The following CACNA1G variants were observed in gnomAD, a reference collection of about 807,000 sequenced individuals.
CACNA1G encodes calcium voltage-gated channel subunit alpha1 G.
CACNA1G carries 67 observed loss-of-function variants against 219.4 expected under a neutral mutation model. The observed-to-expected ratio is 0.31, with a 90% CI of 0.25 to 0.37. CACNA1G has a LOEUF of 0.37. Ranked by LOEUF, CACNA1G falls within the 10% of genes least tolerant of loss-of-function variation. The probability of loss-of-function intolerance (pLI) is 1.00; values close to 1 mark genes in which losing one functional copy is unlikely to be tolerated. For missense variants in CACNA1G, 2,380 were observed against 3,231.4 expected, an observed-to-expected ratio of 0.74 and a Z score of 6.39; for synonymous variants, 1,296 against 1,345.3, an observed-to-expected ratio of 0.96 and a Z score of 0.80.
rs1390902765 is a variant in CACNA1G, at chr17:50,575,683, T to C, written c.1281T>C (p.Ser427=). Residue 427 remains serine (S), a synonymous_variant, in exon 8 of 38, where the codon TCT becomes TCC. Coordinates refer to ENST00000359106, the MANE Select transcript of CACNA1G (RefSeq NM_018896.5). ...ACGCCAGCACCCTGGCTAGCTTCTC[T>C]GAGCCCGGCAGCTGCTATGAGGAGC... ...LSNASTLASF[S]EPGSCYEELL... is the part of the protein sequence containing the mutation. 1 of 1,611,458 alleles carries C rather than the reference T, an allele frequency of 6.2e-7. No individual in the cohort carries two copies. Among genetic ancestry groups the C allele is most frequent in the Non-Finnish European group, 8.5e-7 (1 of 1,178,966 alleles).
In CACNA1G at chr17:50,560,911, G is replaced by C. The variant is rs562233946; in HGVS notation, c.-549G>C. ...CTCCCGGACAGTGAGCCCGCGGCGG[G>C]GCGGGGGAAGGAGCCGCCCCCACCC... On this transcript the variant is annotated 5_prime_UTR_variant, in exon 1 of 38. Transcript: ENST00000359106. Among the ~76,000 whole-genome samples, 85 of 151,860 alleles carry C rather than the reference G, an allele frequency of 5.6e-4. No individual in the cohort carries two copies. Among genetic ancestry groups the C allele is most frequent in the Middle Eastern group, 3.4e-3 (1 of 292 alleles).
At chr17:50,588,534 A>G (rs919571314) in intron 9 of CACNA1G, among the ~76,000 whole-genome samples, 9 of 152,158 alleles carry the variant, frequency 5.9e-5, no homozygotes, top group Non-Finnish European at 1.3e-4. Context: ...CCAGGGCTTT[A>G]TATGCATTGA....
At chr17:50,573,170 G>T (rs1348186058) in intron 7 of CACNA1G, 57 bp downstream of exon 7, 5 of 1,278,938 alleles carry the variant, frequency 3.9e-6, no homozygotes, top group Non-Finnish European at 5.6e-6. Flanking sequence ...ACCTGTGGGG[G>T]CAGTCCAGAG....
At position 50,603,071 on chromosome 17, in the gene CACNA1G, C is replaced by T. The variant is rs756405641; in HGVS notation, c.4041C>T (p.Asn1347=). The T allele has an allele frequency of 7.4e-6, 12 of 1,613,512 alleles. No homozygotes were observed. Among genetic ancestry groups the T allele is most frequent in the South Asian group, 1.1e-5 (1 of 91,082 alleles). ...AGGCGTACCTGCGGAGCAGTTGGAACGTGCTGGACGGGCTGTTGGTGCTCA... is the reference window on the plus strand; with the variant it reads ...AGGCGTACCTGCGGAGCAGTTGGAATGTGCTGGACGGGCTGTTGGTGCTCA... ...GEQAYLRSSW[N]VLDGLLVLIS... The change falls in exon 21 of 38, where the codon AAC becomes AAT. Residue 1347 remains asparagine, a synonymous_variant. Coordinates refer to ENST00000359106, the MANE Select transcript of CACNA1G (RefSeq NM_018896.5). This position sits in a 1 kb window ranked among gnomAD's most constrained non-coding sequence, Gnocchi z 6.4.
intron 33 of CACNA1G, among the ~76,000 whole-genome samples, 200 bp from the exon 34 acceptor site, chr17:50,619,483 C>T (rs2051267961): frequency 6.6e-6 from 1 of 152,064 alleles, no homozygotes; most frequent in East Asian, 1.9e-4. Flanking sequence ...TTCGCCTTCC[C>T]TCTTCCCCAC....
Position 50,626,681 on chromosome 17 carries a change from C to T in CACNA1G, c.7064C>T (p.Ser2355Leu), listed in dbSNP as rs1200267819. 12 of 1,613,206 alleles carry T rather than the reference C, an allele frequency of 7.4e-6. No individual in the cohort carries two copies. The highest frequency in any genetic ancestry group is 1.7e-4 in the Middle Eastern group (1 of 6,060). ...GGCCCCCCTGACAGCATGGCTGCCT[C>T]GCCCTCCCCAAAGAAAGATGTGCTG... is the stretch of plus-strand genomic sequence containing the variant. ...ASGPPDSMAASPSPKKDVLSL... is the reference protein window; with the variant it reads ...ASGPPDSMAALPSPKKDVLSL... Residue 2355 changes from serine to leucine, a missense_variant, in exon 38 of 38, where the codon TCG (serine) becomes TTG (leucine). Physicochemically the swap from Ser to Leu is moderately radical, Grantham distance 145. This residue lies in a region of CACNA1G where 672 missense variants were observed against 670.5 expected (regional missense o/e 1.00). Coordinates refer to ENST00000359106, the MANE Select transcript of CACNA1G (RefSeq NM_018896.5). This position sits in a 1 kb window ranked among gnomAD's most constrained non-coding sequence, Gnocchi z 4.3.
chr17:50,624,179 G>T (rs2053009574), intron 36 of CACNA1G, 104 bp downstream of exon 36: 5 of 1,433,414 alleles, frequency 3.5e-6, no homozygotes, highest in Middle Eastern at 4.5e-4. Context: ...AGCCAAAGAG[G>T]TATCTCTGAC....
chr17:50,596,642 G>C lies in CACNA1G; in HGVS notation c.3060G>C (p.Leu1020Phe), dbSNP rs770298223. The C allele has an allele frequency of 2.5e-6, 4 of 1,613,938 alleles. No individual in the cohort carries two copies. In the East Asian group the frequency reaches 6.7e-5, roughly 27 times the overall value. ...LDGDGDRKKC[L>F]ALVSLGEHPE... Reference sequence around the variant, plus strand: ...GTGATGGGGACAGGAAGAAGTGCTTGGCCTGTGAGTACCTATCCTGGGGTG... The same window carrying C: ...GTGATGGGGACAGGAAGAAGTGCTTCGCCTGTGAGTACCTATCCTGGGGTG... Residue 1020 changes from leucine (L) to phenylalanine (F), a missense_variant, in exon 15 of 38, where the codon TTG becomes TTC. Coordinates refer to ENST00000359106, the MANE Select transcript of CACNA1G (RefSeq NM_018896.5). This position sits in a 1 kb window ranked among gnomAD's most constrained non-coding sequence, Gnocchi z 4.8.
intron 35 of CACNA1G, among the ~76,000 whole-genome samples, chr17:50,622,261 C>T (rs1018636266): frequency 2.0e-5 from 3 of 151,578 alleles, no homozygotes; most frequent in Admixed American, 6.6e-5. Flanking sequence ...CTGCCATGCC[C>T]TTCTTCACTT....
At chr17:50,615,724 G>C (rs558230107) in intron 27 of CACNA1G, among the ~76,000 whole-genome samples, 2 of 152,388 alleles carry the variant, frequency 1.3e-5, no homozygotes, top group African/African-American at 4.8e-5. Context: ...TGTGGCCAAG[G>C]TCACACAGAA....
In CACNA1G at chr17:50,600,666, G is replaced by A; in HGVS notation, c.3691-60G>A. On this transcript the variant is annotated intron_variant, in intron 17 of 37. Transcript: ENST00000359106. The surrounding 1 kb of genome is among the most constrained non-coding windows in gnomAD (Gnocchi z 4.1). Reference sequence around the variant, plus strand: ...GTGAGGCTCGTGACTCTGCTGAGGAGCCAGGAGCCGGGGAACCTGGAGGCC... The same window carrying A: ...GTGAGGCTCGTGACTCTGCTGAGGAACCAGGAGCCGGGGAACCTGGAGGCC... 1.4e-6 allele frequency: 2 copies of A among 1,436,506 alleles called. No individual in the cohort carries two copies. The highest frequency in any genetic ancestry group is 2.0e-6 in the Non-Finnish European group (2 of 1,020,656). 89.0% of individuals were successfully genotyped at this position (1,436,506 alleles called of 1,614,324 possible).
intron 23 of CACNA1G, chr17:50,606,601 A>C (rs1194223728): frequency 1.8e-6 from 1 of 540,946 alleles, no homozygotes; most frequent in African/African-American, 1.9e-5. Context: ...TTGCTCGCTC[A>C]GTTTTGATTC....
chr17:50,593,939 C>T (rs910028581), intron 13 of CACNA1G, among the ~76,000 whole-genome samples: 1 of 152,204 alleles, frequency 6.6e-6, no homozygotes, highest in African/African-American at 2.4e-5. Context: ...AGGCACCTGC[C>T]CTCTCCTGGG....
rs1267825498 is a variant in CACNA1G, at chr17:50,617,579, C to T, written c.5155+8C>T. 1 of 1,613,424 alleles carries T rather than the reference C, an allele frequency of 6.2e-7. No individual in the cohort carries two copies. The highest frequency in any genetic ancestry group is 8.5e-7 in the Non-Finnish European group (1 of 1,179,594). On this transcript the variant is annotated splice_region_variant and intron_variant, in intron 29 of 37. Transcript: ENST00000359106. This position sits in a 1 kb window ranked among gnomAD's most constrained non-coding sequence, Gnocchi z 5.8. ...TGCTGCGCATTGCCCGAGGTTGGTG[C>T]CCAGCCCACGCACCTGCCCTCCTAG...
chr17:50,580,146 C>T (rs1222008165), intron 9 of CACNA1G, among the ~76,000 whole-genome samples: 1 of 152,104 alleles, frequency 6.6e-6, no homozygotes, highest in Non-Finnish European at 1.5e-5. Context: ...AGCGGGTGGG[C>T]GCACTTGACA....
At chr17:50,579,971 C>T (rs1166678764) in intron 9 of CACNA1G, among the ~76,000 whole-genome samples, 1 of 152,142 alleles carries the variant, frequency 6.6e-6, no homozygotes, top group Non-Finnish European at 1.5e-5. Context: ...GACCTCTGCA[C>T]CTGCAATATT....
At chr17:50,589,076 A>G (rs139421237) in intron 9 of CACNA1G, among the ~76,000 whole-genome samples, 2,884 of 152,250 alleles carry the variant, frequency 0.019, 53 homozygotes, top group Non-Finnish European at 0.031. Context: ...GCTACTATGG[A>G]CTTGGCCTCT....
At position 50,571,552 on chromosome 17, in the gene CACNA1G, C is replaced by G. The variant is rs1318962235; in HGVS notation, c.587-326C>G. ...TGAGTCAAGTCATTTCTCCAAGCCT[C>G]AGACTTCTCATCTGTGAATTGGGAG... On this transcript the variant is annotated intron_variant, in intron 4 of 37. Transcript: ENST00000359106. This position sits in a 1 kb window ranked among gnomAD's most constrained non-coding sequence, Gnocchi z 4.3. Among the ~76,000 whole-genome samples, 1 of 152,210 alleles carries G rather than the reference C, an allele frequency of 6.6e-6. No homozygotes were observed. Among genetic ancestry groups the G allele is most frequent in the African/African-American group, 2.4e-5 (1 of 41,450 alleles).
chr17:50,608,424 A>T (rs1270419371), intron 25 of CACNA1G, among the ~76,000 whole-genome samples: 1 of 151,978 alleles, frequency 6.6e-6, no homozygotes, highest in East Asian at 1.9e-4. Flanking sequence ...TAGTGTCTGC[A>T]GCTGCCGAGC....
Sources: allele counts gnomAD v4.1 joint callset (sites outside exome capture counted in the v4.1 genomes callset), GRCh38; gene constraint gnomAD v4.1.1; regional missense constraint gnomAD v4.1.1; non-coding constraint Gnocchi (gnomAD v3.1); transcripts MANE v1.5; gene names NCBI Gene and HGNC (gene_info 2026-07-23, HGNC 2026-07-21).